The following NBEAL1 variants were observed in gnomAD, a reference collection of about 807,000 sequenced individuals.
The protein encoded by NBEAL1 is neurobeachin like 1, also known as neurobeachin-like protein 1.
NBEAL1 carries 273 observed loss-of-function variants against 351.3 expected under a neutral mutation model. The observed-to-expected ratio is 0.78, with a 90% CI of 0.70 to 0.86. The LOEUF is 0.86. NBEAL1 is among the 40% of genes least tolerant of loss of function. The probability of loss-of-function intolerance (pLI) is 0.00; values close to 1 mark genes in which losing one functional copy is unlikely to be tolerated. For missense variants in NBEAL1, 2,961 were observed against 3,201.3 expected, an observed-to-expected ratio of 0.92 and a Z score of 1.81; for synonymous variants, 1,050 against 1,086.4, an observed-to-expected ratio of 0.97 and a Z score of 0.66.
At chr2:203,189,406 G>A (rs547923177) in intron 45 of NBEAL1, among the ~76,000 whole-genome samples, 1 of 152,018 alleles carries the variant, frequency 6.6e-6, no homozygotes, top group Non-Finnish European at 1.5e-5. Flanking sequence ...TTTATCTTGT[G>A]ACTGGGTCTT....
In NBEAL1 at chr2:203,217,291, G is replaced by A. The variant is rs180757088; in HGVS notation, c.8109G>A (p.Ser2703=). 804 of 1,600,080 alleles carry A rather than the reference G, an allele frequency of 5.0e-4. 2 individuals carry two copies. Among genetic ancestry groups the A allele is most frequent in the Middle Eastern group, 2.0e-3 (12 of 6,010 alleles). The part of the protein sequence containing the change: ...SGQLSRKFWG[S]SKRLSQISAG... ...AGCTTTCTCGAAAATTTTGGGGATC[G>A]AGCAAGCGGCTCAGCCAGATTTCAG... Residue 2703 remains serine (S), a synonymous_variant, in exon 56 of 56, where the codon TCG becomes TCA. Transcript: ENST00000683969.
Position 203,217,912 on chromosome 2 carries a change from A to G in NBEAL1, c.*558A>G, listed in dbSNP as rs770998906. ...AACTGGTACATTAGCTAATTCTATT[A>G]CTACTTAGCGTGTTTCTAATGAGAA... is the stretch of plus-strand genomic sequence containing the variant. On this transcript the variant is annotated 3_prime_UTR_variant, in exon 56 of 56. Transcript: ENST00000683969. 2.0e-4 allele frequency: 192 copies of G among 969,816 alleles called. No homozygotes were observed. Among genetic ancestry groups the G allele is most frequent in the Non-Finnish European group, 2.2e-4 (179 of 815,840 alleles). The allele number at this position is 969,816 out of a possible 1,614,324, so 60.1% of individuals were successfully genotyped here.
intron 53 of NBEAL1, among the ~76,000 whole-genome samples, chr2:203,210,733 A>G (rs1047265914): frequency 2.0e-5 from 3 of 152,192 alleles, no homozygotes; most frequent in African/African-American, 7.2e-5. Context: ...TGAGATTTTA[A>G]TTCTTCTTTG....
chr2:203,130,366 A>T lies in NBEAL1; in HGVS notation c.3454A>T (p.Thr1152Ser). Residue 1152 changes from threonine (T) to serine (S), a missense_variant, in exon 25 of 56, where the codon ACC (threonine) becomes TCC (serine). By Grantham distance (58) the Thr-to-Ser change is moderately conservative. Coordinates refer to ENST00000683969, the MANE Select transcript of NBEAL1 (RefSeq NM_001378026.1). Reference protein sequence around the residue: ...VLFSLLRTSPTRGQLFLLLFE... With the variant: ...VLFSLLRTSPSRGQLFLLLFE... ...CTTCAGTCTCCTACGTACCAGCCCAACCAGAGGTCAGCTTTTCTTACTGCT... is the reference window on the plus strand; with the variant it reads ...CTTCAGTCTCCTACGTACCAGCCCATCCAGAGGTCAGCTTTTCTTACTGCT... The T allele has an allele frequency of 6.5e-7, 1 of 1,532,930 alleles. No homozygotes were observed. Among genetic ancestry groups the T allele is most frequent in the African/African-American group, 1.4e-5 (1 of 71,966 alleles). The allele number at this position is 1,532,930 out of a possible 1,614,324, so 95.0% of individuals were successfully genotyped here. A position where few individuals can be genotyped will look rare whatever the true frequency, so the allele number is the denominator to read the frequency against.
chr2:203,188,132 C>A (rs1020329976), intron 44 of NBEAL1, among the ~76,000 whole-genome samples: 2 of 151,794 alleles, frequency 1.3e-5, no homozygotes, highest in African/African-American at 4.8e-5. Context: ...ACAACTATTT[C>A]AATGGAAATT....
At chr2:203,098,812 AT>A (rs1382037441) in intron 11 of NBEAL1, among the ~76,000 whole-genome samples, 1 of 150,432 alleles carries the variant, frequency 6.6e-6, no homozygotes, top group East Asian at 1.9e-4. Flanking sequence ...AAATAGATAT[AT>A]TTAATTGTTT....
intron 2 of NBEAL1, among the ~76,000 whole-genome samples, chr2:203,023,478 T>A (rs1193210012): frequency 2.0e-5 from 3 of 152,254 alleles, no homozygotes; most frequent in African/African-American, 7.2e-5. Context: ...GCATTAACTT[T>A]TTAAATTCTT....
At chr2:203,042,598 T>G (rs2061160706) in intron 3 of NBEAL1, among the ~76,000 whole-genome samples, 1 of 152,018 alleles carries the variant, frequency 6.6e-6, no homozygotes, top group Non-Finnish European at 1.5e-5. Context: ...TTTTTTTTTT[T>G]TTCTTTTTTT....
intron 34 of NBEAL1, among the ~76,000 whole-genome samples, chr2:203,149,703 G>A (rs1213343595): frequency 2.0e-5 from 3 of 152,014 alleles, no homozygotes; most frequent in Non-Finnish European, 4.4e-5. Context: ...AGGAAATGCT[G>A]TACCTATTAA....
Position 203,201,625 on chromosome 2 carries a change from T to C in NBEAL1, c.7321T>C (p.Leu2441=), listed in dbSNP as rs2065401524. The change falls in exon 50 of 56, where the codon TTG becomes CTG. Residue 2441 remains leucine, a synonymous_variant. Coordinates refer to ENST00000683969, the MANE Select transcript of NBEAL1 (RefSeq NM_001378026.1). ...ATTTGTAGTATCACATGATGCAAAG[T>C]TGCTCTTCAGTGCTGGATACTGGGA... ...KLFVVSHDAK[L]LFSAGYWDNS... is the part of the protein sequence containing the mutation. 1 of 1,612,658 alleles carries C rather than the reference T, an allele frequency of 6.2e-7. No homozygotes were observed. The highest frequency in any genetic ancestry group is 8.5e-7 in the Non-Finnish European group (1 of 1,179,328).
chr2:203,210,087 G>A (rs1457779779), intron 53 of NBEAL1, among the ~76,000 whole-genome samples: 7 of 152,218 alleles, frequency 4.6e-5, no homozygotes, highest in East Asian at 1.9e-4. Context: ...GGGGGGCCGC[G>A]AGTGGTGGCT....
At chr2:203,108,819 G>A (rs946977518) in intron 14 of NBEAL1, among the ~76,000 whole-genome samples, 8 of 152,108 alleles carry the variant, frequency 5.3e-5, no homozygotes, top group Non-Finnish European at 1.0e-4. Context: ...GGTAGAGGCA[G>A]GTGCATTGCC....
intron 39 of NBEAL1, among the ~76,000 whole-genome samples, 156 bp from the exon 40 acceptor site, chr2:203,171,772 T>C (rs2064325981): frequency 6.6e-6 from 1 of 151,070 alleles, no homozygotes; most frequent in African/African-American, 2.4e-5. Context: ...ACCAATATTT[T>C]AAAAGAAGTA....
In NBEAL1 at chr2:203,180,484, T is replaced by C. The variant is rs1266851525; in HGVS notation, c.6567T>C (p.Tyr2189=). ...DVKELIPEFF[Y]FPEFLENQNQ... ...AAGAACTTATTCCTGAATTCTTCTA[T>C]TTCCCAGAGTTTTTGGAAAATCAAA... The change falls in exon 43 of 56, where the codon TAT becomes TAC. Residue 2189 remains tyrosine (Y), a synonymous_variant. Coordinates refer to ENST00000683969, the MANE Select transcript of NBEAL1 (RefSeq NM_001378026.1). 1.9e-6 allele frequency: 3 copies of C among 1,611,090 alleles called. No individual in the cohort carries two copies. The highest frequency in any genetic ancestry group is 2.5e-6 in the Non-Finnish European group (3 of 1,179,026).
chr2:203,125,695 G>A (rs1426698503), intron 20 of NBEAL1, among the ~76,000 whole-genome samples, 175 bp downstream of exon 20: 3 of 152,108 alleles, frequency 2.0e-5, no homozygotes, highest in East Asian at 1.9e-4. Flanking sequence ...ATCAAAAAAC[G>A]ACAGATTAAT....
At chr2:203,024,994 A>G (rs1267615452) in intron 2 of NBEAL1, among the ~76,000 whole-genome samples, 3 of 152,236 alleles carry the variant, frequency 2.0e-5, no homozygotes, top group African/African-American at 4.8e-5. Flanking sequence ...AATTCAACAG[A>G]CTTAAAATTA....
chr2:203,024,169 C>A (rs1246301805), intron 2 of NBEAL1, among the ~76,000 whole-genome samples: 2 of 149,474 alleles, frequency 1.3e-5, no homozygotes, highest in African/African-American at 4.9e-5. Context: ...CTAGTCCAGC[C>A]TGGGTGACAG....
intron 49 of NBEAL1, among the ~76,000 whole-genome samples, chr2:203,201,109 T>TA (rs1171047710): frequency 3.9e-5 from 6 of 152,216 alleles, no homozygotes; most frequent in South Asian, 2.1e-4. Flanking sequence ...TAAGTGTTGT[T>TA]AGATACACAC....
intron 7 of NBEAL1, among the ~76,000 whole-genome samples, chr2:203,073,753 T>C (rs774833779): frequency 6.6e-6 from 1 of 152,196 alleles, no homozygotes; most frequent in Non-Finnish European, 1.5e-5. Flanking sequence ...TCTATTATCT[T>C]TAATATTAAC....
Sources: allele counts gnomAD v4.1 joint callset (sites outside exome capture counted in the v4.1 genomes callset), GRCh38; gene constraint gnomAD v4.1.1; transcripts MANE v1.5; gene names NCBI Gene and HGNC (gene_info 2026-07-23, HGNC 2026-07-21).